Variants in CNBD1 observed in about 807,000 individuals in gnomAD.
CNBD1 encodes the protein cyclic nucleotide binding domain containing 1, also known as cyclic nucleotide-binding domain-containing protein 1.
A neutral mutation model predicts 54.4 loss-of-function variants in CNBD1; 71 were observed. The observed-to-expected ratio is 1.30, with a 90% confidence interval of 1.08 to 1.59. CNBD1 has a LOEUF of 1.59. CNBD1 is among the 40% of genes most tolerant of loss of function. The probability of loss-of-function intolerance (pLI) is 0.00; values close to 1 mark genes in which losing one functional copy is unlikely to be tolerated. For synonymous variants in CNBD1, 182 were observed against 170.7 expected (o/e 1.07, Z -0.51); for missense variants, 659 against 518.0 (o/e 1.27, Z -2.64).
chr8:87,059,643 T>C (rs1476725305), intron 4 of CNBD1, among the ~76,000 whole-genome samples: 3 of 152,212 alleles, frequency 2.0e-5, no homozygotes, highest in African/African-American at 7.2e-5. Flanking sequence ...TCAGATCTTG[T>C]GAGAACTCAC....
chr8:87,409,763 C>T (rs990519483), intron 2 of CNBD1, among the ~76,000 whole-genome samples: 1 of 152,088 alleles, frequency 6.6e-6, no homozygotes, highest in Non-Finnish European at 1.5e-5. Flanking sequence ...TGGCTCATGC[C>T]TGTAATCCTA....
At chr8:86,900,088 G>T (rs1808910252) in intron 2 of CNBD1, among the ~76,000 whole-genome samples, 1 of 152,076 alleles carries the variant, frequency 6.6e-6, no homozygotes, top group African/African-American at 2.4e-5. Flanking sequence ...CCAGAAATTT[G>T]TTATGCAGGA....
intron 6 of CNBD1, among the ~76,000 whole-genome samples, chr8:87,270,254 A>C (rs1013268606): frequency 1.3e-5 from 2 of 151,886 alleles, no homozygotes; most frequent in African/African-American, 4.8e-5. Context: ...GAGGAATTTA[A>C]ACAAATTTAC....
At chr8:87,045,972 C>T (rs1563448090) in intron 4 of CNBD1, among the ~76,000 whole-genome samples, 2 of 131,322 alleles carry the variant, frequency 1.5e-5, no homozygotes, top group Admixed American at 8.8e-5. Flanking sequence ...ATCTGGGGGG[C>T]GGAGGTTGCA....
Position 87,166,811 on chromosome 8 carries a change from A to G in CNBD1, c.432-39182A>G, listed in dbSNP as rs758962663. Reference sequence around the variant, plus strand: ...GAGAGATGCCTGCTATGAACACCCTATGTCAGGCATTCTGCAACCCCACCA... The same window carrying G: ...GAGAGATGCCTGCTATGAACACCCTGTGTCAGGCATTCTGCAACCCCACCA... On this transcript the variant is annotated intron_variant, in intron 4 of 10. Coordinates refer to ENST00000518476, the MANE Select transcript of CNBD1 (RefSeq NM_173538.3). This position sits in a 1 kb window ranked among gnomAD's most constrained non-coding sequence, Gnocchi z 4.3. Among the ~76,000 whole-genome samples, 3 of 151,834 alleles carry G rather than the reference A, an allele frequency of 2.0e-5. No homozygotes were observed. The highest frequency in any genetic ancestry group is 4.8e-5 in the African/African-American group (2 of 41,360).
At chr8:87,371,485 T>C (rs1363092888) in intron 10 of CNBD1, among the ~76,000 whole-genome samples, 1 of 152,010 alleles carries the variant, frequency 6.6e-6, no homozygotes, top group Non-Finnish European at 1.5e-5. Context: ...TAACTCATTT[T>C]ATGAGGCCAG....
intron 4 of CNBD1, among the ~76,000 whole-genome samples, chr8:87,161,648 GT>G (rs755512012): frequency 1.2e-4 from 18 of 152,080 alleles, no homozygotes; most frequent in Admixed American, 2.6e-4. Context: ...AATTTGATGA[GT>G]TTTAGGTTGA....
At chr8:86,870,532 G>A (rs977588713) in intron 1 of CNBD1, among the ~76,000 whole-genome samples, 7 of 151,896 alleles carry the variant, frequency 4.6e-5, no homozygotes, top group East Asian at 3.9e-4. Flanking sequence ...GTTTTTCTTC[G>A]CTCTTTTTCA....
chr8:86,948,868 A>C (rs1031914001), intron 4 of CNBD1, among the ~76,000 whole-genome samples: 1 of 152,032 alleles, frequency 6.6e-6, no homozygotes, highest in Non-Finnish European at 1.5e-5. Context: ...CCAATGTTTC[A>C]TAGTAGTTTC....
downstream of CNBD1, among the ~76,000 whole-genome samples, chr8:87,383,730 C>G (rs1811133348): frequency 6.6e-6 from 1 of 152,052 alleles, no homozygotes; most frequent in Admixed American, 6.6e-5. Flanking sequence ...TCCACACTGC[C>G]AAATGCGCAA....
chr8:87,394,894 C>G (rs1044083133), intron 2 of CNBD1, among the ~76,000 whole-genome samples: 2 of 151,628 alleles, frequency 1.3e-5, no homozygotes, highest in Non-Finnish European at 2.9e-5. Flanking sequence ...CTGTTACTAC[C>G]AAAATAAAGC....
chr8:86,944,941 G>A lies in CNBD1; in HGVS notation c.431+5187G>A, dbSNP rs112293749. Among the ~76,000 whole-genome samples the A allele has an allele frequency of 4.4e-3, 663 of 152,306 alleles. 10 individuals are homozygous for A. Among genetic ancestry groups the A allele is most frequent in the African/African-American group, 0.015 (644 of 41,562 alleles). On this transcript the variant is annotated intron_variant, in intron 4 of 10. Coordinates refer to ENST00000518476, the MANE Select transcript of CNBD1 (RefSeq NM_173538.3). ...GATTTTCTCTCTCTTTTTAAGACAT[G>A]AGCAGGACTGAACAGACAGTCCTTG...
intron 4 of CNBD1, among the ~76,000 whole-genome samples, chr8:87,087,958 T>A (rs1198728536): frequency 2.0e-5 from 3 of 152,186 alleles, no homozygotes; most frequent in Non-Finnish European, 4.4e-5. Context: ...TGCAGCTCTT[T>A]CCATTACTCC....
In CNBD1 at chr8:86,935,282, T is replaced by A. The variant is rs574162705; in HGVS notation, c.273-4314T>A. Among the ~76,000 whole-genome samples, 4 of 152,120 alleles carry A rather than the reference T, an allele frequency of 2.6e-5. No homozygotes were observed. The South Asian group carries it at 8.3e-4, about 32-fold the overall frequency. Reference sequence around the variant, plus strand: ...CGATCTCCTGACCTCGTAATCCACCTGCCTGGTCCTCCCAAAGTGCTGGGA... The same window carrying A: ...CGATCTCCTGACCTCGTAATCCACCAGCCTGGTCCTCCCAAAGTGCTGGGA... On this transcript the variant is annotated intron_variant, in intron 3 of 10. Transcript: ENST00000518476.
intron 4 of CNBD1, among the ~76,000 whole-genome samples, chr8:87,008,926 C>A (rs1201984573): frequency 6.6e-6 from 1 of 152,022 alleles, no homozygotes; most frequent in Non-Finnish European, 1.5e-5. Flanking sequence ...GTCTGATAAT[C>A]TTTGTCTTTT....
At chr8:87,216,479 G>A (rs556128985) in intron 5 of CNBD1, among the ~76,000 whole-genome samples, 1 of 152,206 alleles carries the variant, frequency 6.6e-6, no homozygotes, top group Admixed American at 6.5e-5. Flanking sequence ...ATACTGTGTG[G>A]AATTCTGTCA....
chr8:87,116,346 C>T (rs1282169901), intron 4 of CNBD1, among the ~76,000 whole-genome samples: 3 of 151,718 alleles, frequency 2.0e-5, no homozygotes, highest in Non-Finnish European at 4.4e-5. Flanking sequence ...GGACTACAGG[C>T]ATGCACCACC....
At chr8:87,007,642 G>A (rs983541129) in intron 4 of CNBD1, among the ~76,000 whole-genome samples, 7 of 151,956 alleles carry the variant, frequency 4.6e-5, no homozygotes, top group Non-Finnish European at 8.8e-5. Flanking sequence ...TTCAGCAGAT[G>A]AAATTAAGTC....
intron 4 of CNBD1, among the ~76,000 whole-genome samples, chr8:87,140,136 T>G (rs1812342913): frequency 6.6e-6 from 1 of 152,250 alleles, no homozygotes; most frequent in Admixed American, 6.5e-5. Context: ...ACAAACATAT[T>G]TTCCCATTTA....
Sources: gnomAD v4.1 joint callset for allele counts (sites outside exome capture counted in the v4.1 genomes callset) on GRCh38, gnomAD v4.1.1 for gene constraint, Gnocchi (gnomAD v3.1) non-coding constraint, MANE v1.5 for transcripts, NCBI Gene and HGNC (gene_info 2026-07-23, HGNC 2026-07-21) for gene names.